KIAA1549L: variants seen among roughly 807,000 people sequenced by gnomAD.
The protein encoded by KIAA1549L is KIAA1549 like, also known as UPF0606 protein KIAA1549L.
Under a neutral mutation model 160.7 loss-of-function variants are expected in KIAA1549L, and 88 were observed. The ratio of observed to expected loss-of-function variants is 0.55; its 90% CI spans 0.46 to 0.65. KIAA1549L has a LOEUF of 0.65. Ranked by LOEUF, KIAA1549L falls within the 30% of genes least tolerant of loss-of-function variation. KIAA1549L has a pLI of 0.00. For missense variants in KIAA1549L, 2,258 were observed against 2,437.5 expected, an observed-to-expected ratio of 0.93 and a Z score of 1.55; for synonymous variants, 950 against 976.7, an observed-to-expected ratio of 0.97 and a Z score of 0.51.
intron 5 of KIAA1549L, 31 bp downstream of exon 5, chr11:33,551,290 C>T (rs370741511): frequency 1.3e-6 from 2 of 1,586,530 alleles, no homozygotes; most frequent in Non-Finnish European, 1.7e-6. Context: ...GGATTTTCAT[C>T]CATTCTTGGG....
chr11:33,584,209 C>T (rs1855738182), intron 11 of KIAA1549L, among the ~76,000 whole-genome samples: 1 of 152,260 alleles, frequency 6.6e-6, no homozygotes, highest in African/African-American at 2.4e-5. Flanking sequence ...AAATAAACTT[C>T]TGTCATTTAC....
intron 1 of KIAA1549L, among the ~76,000 whole-genome samples, chr11:33,480,171 T>C (rs1471451074): frequency 1.3e-5 from 2 of 152,172 alleles, no homozygotes; most frequent in African/African-American, 4.8e-5. Context: ...TACAAGTTCA[T>C]TTCCACAATC....
intron 14 of KIAA1549L, 107 bp from the exon 15 acceptor site, chr11:33,609,642 G>T: frequency 3.6e-6 from 3 of 843,076 alleles, no homozygotes; most frequent in Non-Finnish European, 5.8e-6. Flanking sequence ...AGGCCCGGAG[G>T]TGATGCCTGT....
rs1851952130 is a variant in KIAA1549L, at chr11:33,462,008, G to A, written c.239-79794G>A. 2.0e-5 allele frequency among the ~76,000 whole-genome samples: 3 copies of A among 152,202 alleles called. No individual in the cohort carries two copies. In the South Asian group the frequency reaches 6.2e-4, roughly 32 times the overall value. On this transcript the variant is annotated intron_variant, in intron 1 of 20. Transcript: ENST00000658780. The stretch of plus-strand genomic sequence containing the variant: ...CAAAATTGTGGAGATTCTTTCTAGA[G>A]GAGAGGAAGGTATATGCTGACTTCC...
chr11:33,577,758 C>T (rs556533266), intron 10 of KIAA1549L, among the ~76,000 whole-genome samples: 3 of 152,134 alleles, frequency 2.0e-5, no homozygotes, highest in Non-Finnish European at 4.4e-5. Flanking sequence ...CTCCGCTTCT[C>T]CTTAATCCTC....
intron 1 of KIAA1549L, among the ~76,000 whole-genome samples, chr11:33,407,031 T>G (rs1242698332): frequency 6.6e-6 from 1 of 152,098 alleles, no homozygotes; most frequent in Non-Finnish European, 1.5e-5. Context: ...GTTCCTGTTC[T>G]TCATAGGTCT....
chr11:33,512,339 A>T (rs1277774258), intron 1 of KIAA1549L, among the ~76,000 whole-genome samples: 1 of 152,222 alleles, frequency 6.6e-6, no homozygotes, highest in African/African-American at 2.4e-5. Context: ...GCTGACATTT[A>T]AAAAAGTTTT....
rs1849965039 is a variant in KIAA1549L, at chr11:33,376,885, C to T, written c.234C>T (p.Asp78=). 6.6e-6 allele frequency: 1 copy of T among 152,226 alleles called. No homozygotes were observed. Among genetic ancestry groups the T allele is most frequent in the Non-Finnish European group, 1.5e-5 (1 of 68,124 alleles). The allele number at this position is 152,226 out of a possible 1,614,324, so 9.4% of individuals were successfully genotyped here. A position where few individuals can be genotyped will look rare whatever the true frequency, so the allele number is the denominator to read the frequency against. ...CCCTCCTGGAGCACGGCCAGGCCGA[C>T]CCGGGTAAGCGCTCGGCGGCGGGGC... ...LAALLEHGQA[D]PGTDNLQMNV... is the part of the protein sequence containing the mutation. The change falls in exon 1 of 21, where the codon GAC becomes GAT. Residue 78 remains aspartate, a synonymous_variant. Coordinates refer to ENST00000658780, the MANE Select transcript of KIAA1549L (RefSeq NM_012194.3). The surrounding 1 kb of genome is among the most constrained non-coding windows in gnomAD (Gnocchi z 5.8).
chr11:33,489,798 T>C (rs1852615384), intron 1 of KIAA1549L, among the ~76,000 whole-genome samples: 2 of 152,166 alleles, frequency 1.3e-5, no homozygotes, highest in Admixed American at 1.3e-4. Context: ...GTAGTCTAGC[T>C]GTGTGCTCAG....
intron 1 of KIAA1549L, among the ~76,000 whole-genome samples, chr11:33,421,589 C>T (rs190015027): frequency 4.6e-5 from 7 of 152,352 alleles, no homozygotes; most frequent in Admixed American, 3.9e-4. Flanking sequence ...AATACATTTA[C>T]AGAACCTTGG....
At chr11:33,571,335 A>G (rs746242556) in intron 9 of KIAA1549L, among the ~76,000 whole-genome samples, 3 of 152,222 alleles carry the variant, frequency 2.0e-5, no homozygotes, top group Non-Finnish European at 4.4e-5. Context: ...TCTTGAGGAC[A>G]AGGACACACA....
At chr11:33,641,572 G>GTGTA (rs1851580350) in intron 16 of KIAA1549L, among the ~76,000 whole-genome samples, 7 of 96,766 alleles carry the variant, frequency 7.2e-5, no homozygotes, top group South Asian at 4.4e-4. Flanking sequence ...TAATGGATCT[G>GTGTA]TATATATATA....
At chr11:33,621,746 C>T (rs984554466) in intron 16 of KIAA1549L, among the ~76,000 whole-genome samples, 2 of 152,064 alleles carry the variant, frequency 1.3e-5, no homozygotes, top group Non-Finnish European at 2.9e-5. Context: ...TTATTTACCC[C>T]AGTATGTGGA....
At chr11:33,514,652 C>A (rs1357983899) in intron 1 of KIAA1549L, among the ~76,000 whole-genome samples, 1 of 152,184 alleles carries the variant, frequency 6.6e-6, no homozygotes, top group Admixed American at 6.5e-5. Flanking sequence ...ATATACCAAC[C>A]AGCCAATTTT....
intron 1 of KIAA1549L, among the ~76,000 whole-genome samples, chr11:33,425,100 T>C (rs1851089806): frequency 6.6e-6 from 1 of 152,220 alleles, no homozygotes; most frequent in South Asian, 2.1e-4. Context: ...TATGTCTTAT[T>C]TTATTCATTT....
At chr11:33,404,956 C>T (rs1160877324) in intron 1 of KIAA1549L, among the ~76,000 whole-genome samples, 6 of 134,570 alleles carry the variant, frequency 4.5e-5, no homozygotes, top group Non-Finnish European at 9.2e-5. Flanking sequence ...TGCAGTGAGC[C>T]AAGATCGCAC....
rs924294426 is a variant in KIAA1549L at position 33,561,884 on chromosome 11, T to A, written c.4078+149T>A. 2.1e-5 allele frequency: 13 copies of A among 627,930 alleles called. No individual in the cohort carries two copies. The East Asian group carries it at 3.5e-4, about 17-fold the overall frequency. The allele number at this position is 627,930 out of a possible 1,614,324, so 38.9% of individuals were successfully genotyped here. ...TTACTTCTACAGGACCAGAAGTGAA[T>A]GGGGTAAGCTGAGATGAGAAAAGAC... On this transcript the variant is annotated intron_variant, in intron 8 of 20. Coordinates refer to ENST00000658780, the MANE Select transcript of KIAA1549L (RefSeq NM_012194.3).
At position 33,667,922 on chromosome 11, in the gene KIAA1549L, A is replaced by C. The variant is rs747122217; in HGVS notation, c.6209A>C (p.Gln2070Pro). 2.5e-5 allele frequency: 40 copies of C among 1,613,498 alleles called. No homozygotes were observed. In the South Asian group the frequency reaches 4.4e-4, roughly 18 times the overall value. The change falls in exon 21 of 21, where the codon CAG becomes CCG. Residue 2070 changes from glutamine to proline, a missense_variant. Gln to Pro is a moderately conservative substitution (Grantham distance 76, BLOSUM62 -1). Transcript: ENST00000658780. ...IEAYPRSRYP[Q>P]SSPSRLPRQY... is the part of the protein sequence containing the mutation. ...GCCTACCCCCGATCACGGTACCCCC[A>C]GAGCTCTCCCTCCAGGCTTCCTCGT...
intron 1 of KIAA1549L, among the ~76,000 whole-genome samples, chr11:33,427,827 C>A (rs1271765934): frequency 6.6e-6 from 1 of 152,164 alleles, no homozygotes; most frequent in African/African-American, 2.4e-5. Context: ...ATTGGCATTC[C>A]GTGTCTATGG....
Sources: allele counts gnomAD v4.1 joint callset (sites outside exome capture counted in the v4.1 genomes callset), GRCh38; gene constraint gnomAD v4.1.1; non-coding constraint Gnocchi (gnomAD v3.1); transcripts MANE v1.5; gene names NCBI Gene and HGNC (gene_info 2026-07-23, HGNC 2026-07-21).